The following HINFP variants were observed in gnomAD, a reference collection of about 807,000 sequenced individuals.
The protein encoded by HINFP is MBD2 (methyl-CpG-binding protein)-interacting zinc finger protein.
Under a neutral mutation model 50.1 loss-of-function variants are expected in HINFP, and 20 were observed. The ratio of observed to expected loss-of-function variants is 0.40; its 90% CI spans 0.28 to 0.58. The LOEUF is 0.58. Ranked by LOEUF, HINFP falls within the 20% of genes least tolerant of loss-of-function variation. The pLI, the probability that HINFP is intolerant of heterozygous loss-of-function variation, is 0.45. For synonymous variants in HINFP, 247 were observed against 243.7 expected, an observed-to-expected ratio of 1.01 and a Z score of -0.13; for missense variants, 505 against 664.1, an observed-to-expected ratio of 0.76 and a Z score of 2.63.
Position 119,131,498 on chromosome 11 carries a change from C to T in HINFP, c.412-37C>T, listed in dbSNP as rs1295608231. ...GCACATAGGGGTGAGTCCCTCTACC[C>T]ACCCTCAGTCCTCACCCCAAGTTGC... On this transcript the variant is annotated intron_variant, in intron 3 of 9. Transcript: ENST00000350777. This position sits in a 1 kb window ranked among gnomAD's most constrained non-coding sequence, Gnocchi z 4.2. The T allele has an allele frequency of 1.4e-6, 2 of 1,416,228 alleles. No individual in the cohort carries two copies. The highest frequency in any genetic ancestry group is 2.0e-6 in the Non-Finnish European group (2 of 999,216). 87.7% of individuals were successfully genotyped at this position (1,416,228 alleles called of 1,614,324 possible).
chr11:119,126,980 T>A lies in HINFP; in HGVS notation c.36T>A (p.Asn12Lys). 6.2e-7 allele frequency: 1 copy of A among 1,613,846 alleles called. No homozygotes were observed. The highest frequency in any genetic ancestry group is 8.5e-7 in the Non-Finnish European group (1 of 1,179,910). ...PPPGKVPRKE[N>K]LWLQCEWGSC... is the part of the protein sequence containing the mutation. ...CTGGGAAAGTTCCCCGAAAGGAGAA[T>A]CTGTGGCTACAGTGTGAGTGGGGGT... Residue 12 changes from asparagine (N) to lysine (K), a missense_variant, in exon 2 of 10, where the codon AAT (asparagine) becomes AAA (lysine). Physicochemically the swap from Asn to Lys is moderately conservative, Grantham distance 94. Transcript: ENST00000350777.
chr11:119,131,548 A>C lies in HINFP; in HGVS notation c.425A>C (p.Asn142Thr). 6.2e-7 allele frequency: 1 copy of C among 1,614,002 alleles called. No homozygotes were observed. The highest frequency in any genetic ancestry group is 8.5e-7 in the Non-Finnish European group (1 of 1,179,912). ...LWEHCENSFD[N>T]PEWFYRHVEA... ...CCCCTGGCACAGAATTCCTTCGACA[A>C]TCCTGAGTGGTTTTATCGGCATGTG... The change falls in exon 4 of 10, where the codon AAT becomes ACT. Residue 142 changes from asparagine (N) to threonine (T), a missense_variant. Asn to Thr is a moderately conservative substitution (Grantham distance 65, BLOSUM62 0). Coordinates refer to ENST00000350777, the MANE Select transcript of HINFP (RefSeq NM_198971.3). This position sits in a 1 kb window ranked among gnomAD's most constrained non-coding sequence, Gnocchi z 4.2.
chr11:119,128,575 G>A (rs538277874), intron 2 of HINFP, among the ~76,000 whole-genome samples: 13 of 151,214 alleles, frequency 8.6e-5, no homozygotes, highest in East Asian at 2.0e-4. Context: ...TGATCCGCCC[G>A]CCTCAGCCTC....
intron 1 of HINFP, chr11:119,125,036 T>TGG (rs1491223191): frequency 1.9e-4 from 15 of 80,812 alleles, no homozygotes; most frequent in African/African-American, 6.2e-4. Context: ...TGTGTGTGTG[T>TGG]TTTTTTTTTT....
intron 1 of HINFP, chr11:119,121,944 C>T (rs1483382405): frequency 1.3e-5 from 2 of 152,478 alleles, no homozygotes; most frequent in East Asian, 3.9e-4. Context: ...GTGCGGGCCC[C>T]ACTGCTTAGG....
intron 2 of HINFP, among the ~76,000 whole-genome samples, chr11:119,127,919 G>A (rs1437244822): frequency 1.3e-5 from 2 of 150,256 alleles, no homozygotes; most frequent in South Asian, 2.1e-4. Context: ...GCAATGGTTC[G>A]ATCTCGGCTC....
In HINFP at chr11:119,131,397, A is replaced by G. The variant is rs1947748182; in HGVS notation, c.412-138A>G. ...AGCAACCGCACCCGGCCACTCCTCC[A>G]TTTCTGTGCAGTGCCTTTCCTCAAA... is the stretch of plus-strand genomic sequence containing the variant. On this transcript the variant is annotated intron_variant, in intron 3 of 9. Coordinates refer to ENST00000350777, the MANE Select transcript of HINFP (RefSeq NM_198971.3). The surrounding 1 kb of genome is among the most constrained non-coding windows in gnomAD (Gnocchi z 4.2). The G allele has an allele frequency of 5.8e-6, 4 of 686,032 alleles. No homozygotes were observed. The highest frequency in any genetic ancestry group is 2.6e-6 in the Non-Finnish European group (1 of 377,480). 42.5% of individuals were successfully genotyped at this position (686,032 alleles called of 1,614,324 possible). A position where few individuals can be genotyped will look rare whatever the true frequency, so the allele number is the denominator to read the frequency against.
intron 1 of HINFP, chr11:119,126,537 A>G (rs1947415775): frequency 6.4e-6 from 1 of 156,690 alleles, no homozygotes. Flanking sequence ...GACAAAGGTC[A>G]TACAGCTAGT....
intron 9 of HINFP, chr11:119,133,752 C>T (rs1947910871): frequency 2.5e-6 from 1 of 399,342 alleles, no homozygotes; most frequent in Non-Finnish European, 4.5e-6. Context: ...AAAAGTCCTG[C>T]AGCTGGAACT....
intron 1 of HINFP, chr11:119,126,728 T>G: frequency 1.9e-6 from 1 of 515,008 alleles, no homozygotes. Context: ...CTCAATAGTG[T>G]TAGTTTTTGT....
rs377386228 is a variant in HINFP at position 119,131,494 on chromosome 11, T to C, written c.412-41T>C. 39 of 1,356,784 alleles carry C rather than the reference T, an allele frequency of 2.9e-5. No homozygotes were observed. In the African/African-American group the frequency reaches 4.7e-4, roughly 16 times the overall value. The allele number at this position is 1,356,784 out of a possible 1,614,324, so 84.0% of individuals were successfully genotyped here. A position where few individuals can be genotyped will look rare whatever the true frequency, so the allele number is the denominator to read the frequency against. On this transcript the variant is annotated intron_variant, in intron 3 of 9. Transcript: ENST00000350777. This position sits in a 1 kb window ranked among gnomAD's most constrained non-coding sequence, Gnocchi z 4.2. ...TCGGGCACATAGGGGTGAGTCCCTC[T>C]ACCCACCCTCAGTCCTCACCCCAAG... is the stretch of plus-strand genomic sequence containing the variant.
intron 1 of HINFP, chr11:119,124,383 A>AGCAACATGG (rs1427983891): frequency 1.3e-5 from 2 of 151,900 alleles, no homozygotes; most frequent in African/African-American, 4.8e-5. Flanking sequence ...GGCCAGAGAG[A>AGCAACATGG]GCAACATGGT....
At position 119,130,743 on chromosome 11, in the gene HINFP, T is replaced by A. The variant is rs1947705585; in HGVS notation, c.200T>A (p.Leu67Ter). 6.2e-7 allele frequency: 1 copy of A among 1,614,104 alleles called. No individual in the cohort carries two copies. Among genetic ancestry groups the A allele is most frequent in the Non-Finnish European group, 8.5e-7 (1 of 1,179,914 alleles). The part of the protein sequence containing the change: ...DDPLEEEFSC[L>*]WQECGFCSLD... ...TCTACAGAGGAAGAATTCTCCTGCT[T>A]GTGGCAGGAATGTGGCTTTTGTTCT... is the stretch of plus-strand genomic sequence containing the variant. The change falls in exon 3 of 10, where the codon TTG becomes TAG. Residue 67 changes from leucine to a stop codon, truncating the protein, a stop_gained. Transcript: ENST00000350777. LOFTEE classifies it high-confidence loss of function.
rs756644996 is a variant in HINFP, at chr11:119,131,500, C to T, written c.412-35C>T. On this transcript the variant is annotated intron_variant, in intron 3 of 9. Coordinates refer to ENST00000350777, the MANE Select transcript of HINFP (RefSeq NM_198971.3). This position sits in a 1 kb window ranked among gnomAD's most constrained non-coding sequence, Gnocchi z 4.2. ...ACATAGGGGTGAGTCCCTCTACCCA[C>T]CCTCAGTCCTCACCCCAAGTTGCCC... 2.1e-6 allele frequency: 3 copies of T among 1,436,690 alleles called. No individual in the cohort carries two copies. The South Asian group carries it at 3.4e-5, about 16-fold the overall frequency. 89.0% of individuals were successfully genotyped at this position (1,436,690 alleles called of 1,614,324 possible).
In HINFP at chr11:119,131,405, G is replaced by A; in HGVS notation, c.412-130G>A. 1 of 709,066 alleles carries A rather than the reference G, an allele frequency of 1.4e-6. No individual in the cohort carries two copies. The highest frequency in any genetic ancestry group is 2.6e-6 in the Non-Finnish European group (1 of 391,088). The allele number at this position is 709,066 out of a possible 1,614,324, so 43.9% of individuals were successfully genotyped here. A position where few individuals can be genotyped will look rare whatever the true frequency, so the allele number is the denominator to read the frequency against. On this transcript the variant is annotated intron_variant, in intron 3 of 9. Transcript: ENST00000350777. The surrounding 1 kb of genome is among the most constrained non-coding windows in gnomAD (Gnocchi z 4.2). Reference sequence around the variant, plus strand: ...CACCCGGCCACTCCTCCATTTCTGTGCAGTGCCTTTCCTCAAAATTTCCCA... The same window carrying A: ...CACCCGGCCACTCCTCCATTTCTGTACAGTGCCTTTCCTCAAAATTTCCCA...
At position 119,131,459 on chromosome 11, in the gene HINFP, C is replaced by G. The variant is rs912439434; in HGVS notation, c.412-76C>G. ...CCATCAAGTTAATTTGGGAGAGAGCCAAGAATTCTTCGGGCACATAGGGGT... is the reference window on the plus strand; with the variant it reads ...CCATCAAGTTAATTTGGGAGAGAGCGAAGAATTCTTCGGGCACATAGGGGT... On this transcript the variant is annotated intron_variant, in intron 3 of 9. Transcript: ENST00000350777. The surrounding 1 kb of genome is among the most constrained non-coding windows in gnomAD (Gnocchi z 4.2). The G allele has an allele frequency of 2.0e-6, 2 of 1,010,930 alleles. No individual in the cohort carries two copies. Among genetic ancestry groups the G allele is most frequent in the African/African-American group, 3.2e-5 (2 of 63,276 alleles). 62.6% of individuals were successfully genotyped at this position (1,010,930 alleles called of 1,614,324 possible).
rs1258338694 is a variant in HINFP at position 119,134,289 on chromosome 11, G to A, written c.1345G>A (p.Glu449Lys). 1.9e-5 allele frequency: 31 copies of A among 1,614,000 alleles called. No homozygotes were observed. The highest frequency in any genetic ancestry group is 2.2e-5 in the Non-Finnish European group (26 of 1,179,966). Residue 449 changes from glutamate to lysine, a missense_variant, in exon 10 of 10, where the codon GAA becomes AAA. Transcript: ENST00000350777. The surrounding 1 kb of genome is among the most constrained non-coding windows in gnomAD (Gnocchi z 4.3). ...KEEEEEGKGS[E>K]GTALSASQDN... ...AGAGGAAGAGGAGGGCAAGGGTAGCGAAGGGACAGCCCTCTCAGCCTCTCA... is the reference window on the plus strand; with the variant it reads ...AGAGGAAGAGGAGGGCAAGGGTAGCAAAGGGACAGCCCTCTCAGCCTCTCA...
intron 5 of HINFP, 33 bp downstream of exon 5, chr11:119,132,015 G>T (rs978082431): frequency 6.2e-7 from 1 of 1,612,132 alleles, no homozygotes; most frequent in Admixed American, 1.7e-5. Flanking sequence ...GTGGATGCAG[G>T]CTGTCCTGCT....
At chr11:119,129,490 C>CTTTTTTTTCTTTTTTTT (rs776476604) in intron 2 of HINFP, among the ~76,000 whole-genome samples, 12 of 124,182 alleles carry the variant, frequency 9.7e-5, no homozygotes, top group African/African-American at 3.7e-4. Flanking sequence ...TTTTTCTTTT[C>CTTTTTTTTCTTTTTTTT]TTTTTTTTTT....
Sources: gnomAD v4.1 joint callset for allele counts (sites outside exome capture counted in the v4.1 genomes callset) on GRCh38, gnomAD v4.1.1 for gene constraint, Gnocchi (gnomAD v3.1) non-coding constraint, MANE v1.5 for transcripts, NCBI Gene and HGNC (gene_info 2026-07-23, HGNC 2026-07-21) for gene names.